The following MGAT4C variants were observed in gnomAD, a reference collection of about 807,000 sequenced individuals.
The protein encoded by MGAT4C is alpha-1,3-mannosyl-glycoprotein 4-beta-N-acetylglucosaminyltransferase C.
MGAT4C carries 19 observed loss-of-function variants against 40.1 expected under a neutral mutation model. That is an observed-to-expected ratio of 0.47 (90% CI 0.33 to 0.70). The LOEUF (loss-of-function observed/expected upper bound fraction) is 0.70. Ranked by LOEUF, MGAT4C falls within the 30% of genes least tolerant of loss-of-function variation. MGAT4C has a pLI of 0.02. For synonymous variants in MGAT4C, 181 were observed against 187.1 expected (o/e 0.97, Z 0.27); for missense variants, 491 against 563.2 (o/e 0.87, Z 1.30).
In MGAT4C at chr12:86,801,982, A is replaced by C. The variant is rs141847595; in HGVS notation, c.-262+36684T>G. Among the ~76,000 whole-genome samples the C allele has an allele frequency of 6.6e-5, 10 of 151,992 alleles. No individual in the cohort carries two copies. In the East Asian group the frequency reaches 1.9e-3, roughly 30 times the overall value. On this transcript the variant is annotated intron_variant, in intron 1 of 7. Transcript: ENST00000548651. ...TTGTTTTCTACCAGCCACTAACTAC[A>C]ATTGTTTTCCTCATTTCTTTGCATT...
intron 1 of MGAT4C, among the ~76,000 whole-genome samples, chr12:86,239,540 T>C (rs1951691727): frequency 6.6e-6 from 1 of 152,020 alleles, no homozygotes; most frequent in South Asian, 2.1e-4. Context: ...CTTTTCCAAG[T>C]GAAGTTCAAA....
intron 2 of MGAT4C, among the ~76,000 whole-genome samples, chr12:86,485,113 C>T (rs1210132740): frequency 1.3e-5 from 2 of 152,154 alleles, no homozygotes; most frequent in East Asian, 3.8e-4. Context: ...ACAGACTATA[C>T]TAAACTCAAA....
chr12:86,360,819 G>C (rs1955446761), intron 3 of MGAT4C, among the ~76,000 whole-genome samples: 2 of 152,032 alleles, frequency 1.3e-5, no homozygotes, highest in South Asian at 4.1e-4. Flanking sequence ...ACAAACCATT[G>C]CTCAACGAAA....
intron 1 of MGAT4C, among the ~76,000 whole-genome samples, chr12:86,123,822 G>T (rs768355719): frequency 6.6e-6 from 1 of 151,894 alleles, no homozygotes; most frequent in African/African-American, 2.4e-5. Flanking sequence ...CCTCAATCAG[G>T]TTATTTTATA....
chr12:86,398,604 T>C lies in MGAT4C; in HGVS notation c.-120+36553A>G, dbSNP rs143333395. Among the ~76,000 whole-genome samples, 448 of 152,028 alleles carry C rather than the reference T, an allele frequency of 2.9e-3. 2 individuals are homozygous for C. Among genetic ancestry groups the C allele is most frequent in the African/African-American group, 0.01 (420 of 41,472 alleles). ...TCCCATAGCCCTTTTAATAGTCTTT[T>C]GTTATGATGATGTTTGGGTGCTTTA... On this transcript the variant is annotated intron_variant, in intron 3 of 7. Coordinates refer to the MGAT4C transcript ENST00000548651.
At chr12:86,236,913 G>A (rs1951575634) in intron 1 of MGAT4C, among the ~76,000 whole-genome samples, 1 of 151,614 alleles carries the variant, frequency 6.6e-6, no homozygotes, top group Non-Finnish European at 1.5e-5. Context: ...AGCCAAATTT[G>A]TATACCTGGT....
chr12:86,733,911 G>A (rs558165228), intron 1 of MGAT4C, among the ~76,000 whole-genome samples: 2 of 152,170 alleles, frequency 1.3e-5, no homozygotes, highest in Admixed American at 1.3e-4. Flanking sequence ...TTAAAATAAA[G>A]CGAATTACAT....
intron 1 of MGAT4C, among the ~76,000 whole-genome samples, chr12:86,059,628 C>G (rs1226051705): frequency 6.6e-6 from 1 of 152,166 alleles, no homozygotes; most frequent in Non-Finnish European, 1.5e-5. Context: ...TTAAAAGCCT[C>G]AATCTGAAGT....
At chr12:86,477,226 A>C (rs1957851264) in intron 2 of MGAT4C, among the ~76,000 whole-genome samples, 1 of 152,070 alleles carries the variant, frequency 6.6e-6, no homozygotes. Context: ...AACATGGTAT[A>C]CTATGCAGCC....
At chr12:86,012,130 A>C (rs1888518079) in intron 2 of MGAT4C, among the ~76,000 whole-genome samples, 1 of 152,220 alleles carries the variant, frequency 6.6e-6, no homozygotes. Context: ...ACTATTTCTC[A>C]GGATGATACA....
intron 1 of MGAT4C, among the ~76,000 whole-genome samples, chr12:86,075,394 G>C (rs976330323): frequency 6.6e-6 from 1 of 152,132 alleles, no homozygotes; most frequent in African/African-American, 2.4e-5. Flanking sequence ...GCAGGGTACA[G>C]CCTCCCTCCT....
chr12:86,022,584 T>C (rs1889855690), intron 2 of MGAT4C: 1 of 152,124 alleles, frequency 6.6e-6, no homozygotes, highest in Non-Finnish European at 1.5e-5. Context: ...GGCATGCTGG[T>C]GCACAGCTGT....
At chr12:86,409,036 G>C (rs1457569270) in intron 3 of MGAT4C, among the ~76,000 whole-genome samples, 1 of 151,896 alleles carries the variant, frequency 6.6e-6, no homozygotes, top group Non-Finnish European at 1.5e-5. Context: ...AGCGTAGTAA[G>C]GAAACTAAAT....
intron 1 of MGAT4C, among the ~76,000 whole-genome samples, chr12:86,824,807 CAAGAGGGGAAA>C (rs1195959636): frequency 2.2e-5 from 3 of 139,126 alleles, no homozygotes; most frequent in Non-Finnish European, 4.7e-5. Flanking sequence ...TTGAAATTAA[CAAGAGGGGAAA>C]AAGCCAATCT....
intron 4 of MGAT4C, among the ~76,000 whole-genome samples, chr12:86,284,139 T>C (rs1953287554): frequency 6.6e-6 from 1 of 152,040 alleles, no homozygotes; most frequent in Non-Finnish European, 1.5e-5. Flanking sequence ...AAATACACTA[T>C]CCAGGGTTGG....
At chr12:86,375,921 A>G (rs977217910) in intron 3 of MGAT4C, among the ~76,000 whole-genome samples, 5 of 152,176 alleles carry the variant, frequency 3.3e-5, no homozygotes, top group Non-Finnish European at 7.4e-5. Flanking sequence ...ATAAATATAG[A>G]TTAATGGAAA....
intron 2 of MGAT4C, among the ~76,000 whole-genome samples, chr12:86,654,750 A>G (rs1157262532): frequency 2.7e-5 from 4 of 150,102 alleles, no homozygotes; most frequent in East Asian, 3.9e-4. Flanking sequence ...AAAGTTATAT[A>G]TGAAAACTCT....
Position 86,050,190 on chromosome 12 carries a change from T to C in MGAT4C, c.-56-467A>G, listed in dbSNP as rs143406519. On this transcript the variant is annotated intron_variant, in intron 1 of 4. Coordinates refer to ENST00000611864, the MANE Select transcript of MGAT4C (RefSeq NM_001351288.2). Reference sequence around the variant, plus strand: ...GTCTGTTACACATTTATCCATGTTATTGATTTTTCCATCACATATAAAAGG... The same window carrying C: ...GTCTGTTACACATTTATCCATGTTACTGATTTTTCCATCACATATAAAAGG... Among the ~76,000 whole-genome samples the C allele has an allele frequency of 7.7e-3, 1,177 of 152,114 alleles. 15 individuals carry two copies. The highest frequency in any genetic ancestry group is 0.026 in the African/African-American group (1,097 of 41,546).
At chr12:86,401,019 T>C (rs1956348143) in intron 3 of MGAT4C, among the ~76,000 whole-genome samples, 1 of 152,122 alleles carries the variant, frequency 6.6e-6, no homozygotes, top group African/African-American at 2.4e-5. Context: ...GAGACTTTAC[T>C]AAAGAAAAAT....
Sources: allele counts gnomAD v4.1 joint callset (sites outside exome capture counted in the v4.1 genomes callset), GRCh38; gene constraint gnomAD v4.1.1; transcripts MANE v1.5; gene names NCBI Gene and HGNC (gene_info 2026-07-23, HGNC 2026-07-21).